Variants in FAM107A observed in about 807,000 individuals in gnomAD.
FAM107A encodes the protein actin-associated protein FAM107A.
Under a neutral mutation model 13.7 loss-of-function variants are expected in FAM107A, and 19 were observed. The ratio of observed to expected loss-of-function variants is 1.38; its 90% CI spans 0.97 to 2.03. The LOEUF (loss-of-function observed/expected upper bound fraction) is 2.03, where lower values mean the gene tolerates loss of function less well. FAM107A is among the 30% of genes most tolerant of loss of function. FAM107A has a pLI of 0.00. For synonymous variants in FAM107A, 82 were observed against 74.5 expected (o/e 1.10, Z -0.52); for missense variants, 203 against 184.4 (o/e 1.10, Z -0.58).
intron 1 of FAM107A, among the ~76,000 whole-genome samples, chr3:58,603,599 C>T (rs2065769861): frequency 6.6e-6 from 1 of 152,156 alleles, no homozygotes; most frequent in African/African-American, 2.4e-5. Context: ...GATGGCACTG[C>T]AGCATCATCC....
At chr3:58,591,797 G>A (rs2065656688), upstream of FAM107A, among the ~76,000 whole-genome samples, 1 of 152,202 alleles carries the variant, frequency 6.6e-6, no homozygotes, top group South Asian at 2.1e-4. This position sits in a 1 kb window ranked among gnomAD's most constrained non-coding sequence, Gnocchi z 4.3. Flanking sequence ...CTTGAAGAGG[G>A]ATTGGGTTCT....
intron 1 of FAM107A, among the ~76,000 whole-genome samples, chr3:58,623,202 T>C (rs552963390): frequency 6.6e-6 from 1 of 152,342 alleles, no homozygotes; most frequent in South Asian, 2.1e-4. Context: ...TCATCAAATT[T>C]AGCCATAGTG....
chr3:58,626,283 C>T (rs1360437951), intron 1 of FAM107A, among the ~76,000 whole-genome samples: 1 of 152,160 alleles, frequency 6.6e-6, no homozygotes, highest in African/African-American at 2.4e-5. Flanking sequence ...CTCCTACTCC[C>T]CACCCCAGGA....
chr3:58,594,325 C>T (rs918435275), intron 1 of FAM107A, among the ~76,000 whole-genome samples: 2 of 152,170 alleles, frequency 1.3e-5, no homozygotes, highest in Admixed American at 6.5e-5. Flanking sequence ...TTGTACCCAA[C>T]CTCATGAATA....
At chr3:58,589,278 A>G (rs1466462311), upstream of FAM107A, 2 of 1,527,440 alleles carry the variant, frequency 1.3e-6, no homozygotes, top group African/African-American at 2.7e-5. Context: ...TTCTGTAAAC[A>G]GAAAGAAAGT....
chr3:58,627,053 G>A (rs1221232018), intron 1 of FAM107A: 4 of 1,513,134 alleles, frequency 2.6e-6, no homozygotes, highest in Non-Finnish European at 2.7e-6. Context: ...GGTCCTCCCT[G>A]CTGGCGTTGA....
upstream of FAM107A, among the ~76,000 whole-genome samples, chr3:58,578,396 T>G (rs1414648626): frequency 6.6e-6 from 1 of 152,092 alleles, no homozygotes; most frequent in East Asian, 1.9e-4. Context: ...GGTAAAACCC[T>G]GTCTCTACTA....
intron 1 of FAM107A, among the ~76,000 whole-genome samples, chr3:58,619,103 G>A (rs149616161): frequency 1.3e-5 from 2 of 152,046 alleles, no homozygotes; most frequent in African/African-American, 2.4e-5. Context: ...TGGGCTCAAG[G>A]AATCCTCCTG....
upstream of FAM107A, among the ~76,000 whole-genome samples, chr3:58,578,862 GCTTTAACAAGGCAACCTTGTGT>G: frequency 6.6e-6 from 1 of 152,316 alleles, no homozygotes; most frequent in South Asian, 2.1e-4. Context: ...GTGAATGGAG[GCTTTAACAAGGCAACCTTGTGT>G]CTTCTTTGGC....
chr3:58,605,367 T>C (rs1340607533), intron 1 of FAM107A, among the ~76,000 whole-genome samples: 13 of 152,166 alleles, frequency 8.5e-5, no homozygotes, highest in Admixed American at 7.9e-4. Flanking sequence ...CACACAGATT[T>C]TGGGGCTCCC....
chr3:58,564,955 A>T lies in FAM107A; in HGVS notation c.*1633T>A, dbSNP rs999851744. On this transcript the variant is annotated 3_prime_UTR_variant, in exon 4 of 4. Coordinates refer to ENST00000360997, the MANE Select transcript of FAM107A (RefSeq NM_001076778.3). This position sits in a 1 kb window ranked among gnomAD's most constrained non-coding sequence, Gnocchi z 5.6. The stretch of plus-strand genomic sequence containing the variant: ...TCAGTCACCCTCAAACCACCCAGTT[A>T]TGAGTAAGACCAGAACAATCCCTTT... 1.3e-5 allele frequency: 2 copies of T among 152,280 alleles called. No individual in the cohort carries two copies. The highest frequency in any genetic ancestry group is 2.9e-5 in the Non-Finnish European group (2 of 68,064). The allele number at this position is 152,280 out of a possible 1,614,324, so 9.4% of individuals were successfully genotyped here.
intron 1 of FAM107A, among the ~76,000 whole-genome samples, chr3:58,599,726 T>A (rs1444578004): frequency 4.7e-5 from 4 of 85,480 alleles, no homozygotes; most frequent in South Asian, 4.2e-4. Flanking sequence ...TTTTTTTTTT[T>A]TTTTTTTTTG....
chr3:58,627,120 G>T, intron 1 of FAM107A: 1 of 902,952 alleles, frequency 1.1e-6, no homozygotes, highest in Non-Finnish European at 1.7e-6. Context: ...TCCTCTTGCG[G>T]CTCATTCTCC....
rs373977668 is a variant in FAM107A at position 58,567,308 on chromosome 3, C to A, written c.227G>T (p.Arg76Leu). 7 of 1,612,798 alleles carry A rather than the reference C, an allele frequency of 4.3e-6. No homozygotes were observed. The highest frequency in any genetic ancestry group is 1.1e-5 in the South Asian group (1 of 90,848). Residue 76 changes from arginine to leucine, a missense_variant, in exon 3 of 4, where the codon CGG becomes CTG. Physicochemically the swap from Arg to Leu is moderately radical, Grantham distance 102. Transcript: ENST00000360997. ...CTTCTTCTTCTTGATGAGCTGGTTC[C>A]GCCGGCGGTGCTCTAGGACACGCTG... ...ELQRVLEHRR[R>L]NQLIKKKKEE... is the part of the protein sequence containing the mutation.
chr3:58,603,280 A>T (rs1345522778), intron 1 of FAM107A, among the ~76,000 whole-genome samples: 3 of 152,056 alleles, frequency 2.0e-5, no homozygotes, highest in Non-Finnish European at 4.4e-5. Flanking sequence ...GAATAATGAG[A>T]AGGAGGACAA....
chr3:58,571,476 G>A (rs1255191332), intron 1 of FAM107A, among the ~76,000 whole-genome samples: 1 of 151,848 alleles, frequency 6.6e-6, no homozygotes, highest in African/African-American at 2.4e-5. Flanking sequence ...TCATAAGGCT[G>A]TTTGCTTTCA....
At chr3:58,603,745 A>G (rs2065771168) in intron 1 of FAM107A, among the ~76,000 whole-genome samples, 1 of 152,190 alleles carries the variant, frequency 6.6e-6, no homozygotes, top group Non-Finnish European at 1.5e-5. Context: ...CCCAGCATCC[A>G]TGGGTGATTG....
rs2063605370 is a variant in FAM107A at position 58,564,973 on chromosome 3, A to G, written c.*1615T>C. 6.6e-6 allele frequency: 1 copy of G among 152,248 alleles called. No individual in the cohort carries two copies. Among genetic ancestry groups the G allele is most frequent in the African/African-American group, 2.4e-5 (1 of 41,460 alleles). The allele number at this position is 152,248 out of a possible 1,614,324, so 9.4% of individuals were successfully genotyped here. On this transcript the variant is annotated 3_prime_UTR_variant, in exon 4 of 4. Transcript: ENST00000360997. The surrounding 1 kb of genome is among the most constrained non-coding windows in gnomAD (Gnocchi z 5.6). ...CCCAGTTATGAGTAAGACCAGAACA[A>G]TCCCTTTCCTCCGACAGTCCCACGT...
chr3:58,601,139 C>T (rs974021564), intron 1 of FAM107A, among the ~76,000 whole-genome samples: 4 of 152,198 alleles, frequency 2.6e-5, no homozygotes, highest in Non-Finnish European at 5.9e-5. Context: ...ATCATAGGCT[C>T]ACTTTTAAGC....
Sources: allele counts gnomAD v4.1 joint callset (sites outside exome capture counted in the v4.1 genomes callset), GRCh38; gene constraint gnomAD v4.1.1; non-coding constraint Gnocchi (gnomAD v3.1); transcripts MANE v1.5; gene names NCBI Gene and HGNC (gene_info 2026-07-23, HGNC 2026-07-21).